BPIFB1: variants seen among roughly 807,000 people sequenced by gnomAD.
BPIFB1 encodes BPI fold-containing family B member 1.
A neutral mutation model predicts 55.1 loss-of-function variants in BPIFB1; 34 were observed. The ratio of observed to expected loss-of-function variants is 0.62; its 90% CI spans 0.47 to 0.82. BPIFB1 has a LOEUF of 0.82. BPIFB1 is among the 40% of genes least tolerant of loss of function. The pLI is 0.00. For missense variants in BPIFB1, 532 were observed against 593.1 expected (o/e 0.90, Z 1.07); for synonymous variants, 236 against 245.3 (o/e 0.96, Z 0.35).
In BPIFB1 at chr20:33,289,933, G is replaced by A. The variant is rs377293496; in HGVS notation, c.306G>A (p.Ser102=). The part of the protein sequence containing the change: ...ANILQLQVKP[S]ANDQELLVKI... ...TCCTCCAGCTGCAGGTGAAGCCCTC[G>A]GCCAATGACCAGGAGCTGCTAGTCA... Residue 102 remains serine, a synonymous_variant, in exon 4 of 16, where the codon TCG becomes TCA. Transcript: ENST00000253354. 39 of 1,614,158 alleles carry A rather than the reference G, an allele frequency of 2.4e-5. No homozygotes were observed. The highest frequency in any genetic ancestry group is 6.7e-5 in the East Asian group (3 of 44,880).
chr20:33,298,765 C>A (rs1351304676), intron 7 of BPIFB1: 1 of 158,910 alleles, frequency 6.3e-6, no homozygotes, highest in Non-Finnish European at 1.4e-5. Flanking sequence ...GCAGGAATTA[C>A]TATTCTACCG....
At chr20:33,306,127 C>G in intron 14 of BPIFB1, 62 bp downstream of exon 14, 1 of 1,574,524 alleles carries the variant, frequency 6.4e-7, no homozygotes, top group Non-Finnish European at 8.7e-7. Context: ...TTCCCCTGCC[C>G]TCATCTCCAT....
rs6088166 is a variant in BPIFB1, at chr20:33,303,074, C to T, written c.1140C>T (p.Ile380=). 107 of 1,613,420 alleles carry T rather than the reference C, an allele frequency of 6.6e-5. 1 individual carries two copies. The highest frequency in any genetic ancestry group is 8.6e-5 in the Non-Finnish European group (101 of 1,180,000). ...EALRPLFTLG[I]EASSEAQFYT... ...TCCGCCCTTTGTTCACCCTGGGCAT[C>T]GTGAGTTCAGTTGTCTGCGATATTG... Residue 380 remains isoleucine, a splice_region_variant and synonymous_variant, in exon 11 of 16, where the codon ATC becomes ATT. Coordinates refer to ENST00000253354, the MANE Select transcript of BPIFB1 (RefSeq NM_033197.3).
chr20:33,290,966 C>T lies in BPIFB1; in HGVS notation c.375C>T (p.Val125=), dbSNP rs376316842. 5.6e-6 allele frequency: 9 copies of T among 1,613,718 alleles called. No homozygotes were observed. Among genetic ancestry groups the T allele is most frequent in the African/African-American group, 1.3e-5 (1 of 74,932 alleles). The change falls in exon 5 of 16, where the codon GTC becomes GTT. Residue 125 remains valine, a synonymous_variant. Coordinates refer to ENST00000253354, the MANE Select transcript of BPIFB1 (RefSeq NM_033197.3). ...DMVAGFNTPL[V]KTIVEFHMTT... ...TGCCTCCACCCGCTAGGCCCCTGGT[C>T]AAGACCATCGTGGAGTTCCACATGA...
chr20:33,290,126 G>A (rs1980416021), intron 4 of BPIFB1, 134 bp downstream of exon 4: 1 of 690,924 alleles, frequency 1.4e-6, no homozygotes, highest in South Asian at 1.7e-5. Context: ...GAGGCCCTGT[G>A]GCAGCAGTGT....
At chr20:33,300,886 C>T (rs1980824606) in intron 8 of BPIFB1, among the ~76,000 whole-genome samples, 1 of 152,184 alleles carries the variant, frequency 6.6e-6, no homozygotes, top group Non-Finnish European at 1.5e-5. Context: ...ACACGCCTGG[C>T]CCCTGGACTA....
intron 1 of BPIFB1, among the ~76,000 whole-genome samples, chr20:33,284,596 C>T (rs910105096): frequency 3.9e-5 from 6 of 152,140 alleles, no homozygotes; most frequent in Non-Finnish European, 8.8e-5. Flanking sequence ...ACATGTCATC[C>T]GGATGCCACA....
intron 7 of BPIFB1, chr20:33,299,144 C>T (rs1010179649): frequency 2.2e-5 from 10 of 456,594 alleles, no homozygotes; most frequent in Middle Eastern, 6.5e-4. Flanking sequence ...GAGAAGAGAC[C>T]AGCCAAGGTC....
At chr20:33,286,792 C>T (rs896068166) in intron 2 of BPIFB1, among the ~76,000 whole-genome samples, 1 of 152,224 alleles carries the variant, frequency 6.6e-6, no homozygotes, top group Admixed American at 6.5e-5. Flanking sequence ...GTGTCCTGGG[C>T]ACTTTAGGAT....
intron 8 of BPIFB1, 139 bp downstream of exon 8, chr20:33,300,123 C>T (rs2146533119): frequency 1.4e-6 from 1 of 737,038 alleles, no homozygotes; most frequent in Non-Finnish European, 2.3e-6. Context: ...AGAAAAATCA[C>T]TGCAGGCTGA....
chr20:33,301,925 T>C (rs1156270323), intron 9 of BPIFB1, among the ~76,000 whole-genome samples: 1 of 152,018 alleles, frequency 6.6e-6, no homozygotes, highest in Admixed American at 6.6e-5. Context: ...ACGGGGAAAT[T>C]GAGGTCCAGA....
At chr20:33,305,104 C>A (rs1191823467) in intron 13 of BPIFB1, among the ~76,000 whole-genome samples, 1 of 152,126 alleles carries the variant, frequency 6.6e-6, no homozygotes, top group Non-Finnish European at 1.5e-5. Flanking sequence ...CACGCACACA[C>A]AAATACACTC....
rs1568647917 is a variant in BPIFB1, at chr20:33,290,942, G to GCCT, written c.366-12_366-10dup. 1 of 1,612,564 alleles carries GCCT rather than the reference G, an allele frequency of 6.2e-7. No homozygotes were observed. Among genetic ancestry groups the GCCT allele is most frequent in the Non-Finnish European group, 8.5e-7 (1 of 1,179,614 alleles). On this transcript the variant is annotated splice_polypyrimidine_tract_variant and intron_variant, in intron 4 of 15. Transcript: ENST00000253354. ...TTGCCTGGTGCTCACATGGTCAGGT[G>GCCT]CCTCCACCCGCTAGGCCCCTGGTCA... is the stretch of plus-strand genomic sequence containing the variant.
intron 15 of BPIFB1, 159 bp downstream of exon 15, chr20:33,307,146 AG>A (rs1341292243): frequency 1.6e-5 from 10 of 640,868 alleles, no homozygotes; most frequent in Non-Finnish European, 2.8e-5. Context: ...GCAAGTGAGA[AG>A]GTTGGCTGTG....
intron 2 of BPIFB1, among the ~76,000 whole-genome samples, chr20:33,288,212 A>C (rs1316262314): frequency 6.6e-6 from 1 of 152,218 alleles, no homozygotes; most frequent in East Asian, 1.9e-4. Context: ...GCTCACAAAA[A>C]GCCAGCTGGG....
At chr20:33,289,004 T>G in intron 3 of BPIFB1, 122 bp downstream of exon 3, 1 of 1,178,806 alleles carries the variant, frequency 8.5e-7, no homozygotes, top group Non-Finnish European at 1.2e-6. Flanking sequence ...AAAGAGTGGA[T>G]CAAACAAAGC....
At chr20:33,290,718 T>G (rs1411303774) in intron 4 of BPIFB1, among the ~76,000 whole-genome samples, 1 of 151,982 alleles carries the variant, frequency 6.6e-6, no homozygotes, top group Admixed American at 6.6e-5. Context: ...CCGTGAGACA[T>G]CGGAGTAGGG....
chr20:33,283,328 G>A (rs953017153), intron 1 of BPIFB1, 74 bp downstream of exon 1: 1 of 152,650 alleles, frequency 6.6e-6, no homozygotes, highest in African/African-American at 2.4e-5. Flanking sequence ...TTGGGGTCAG[G>A]TCAGGAGCAC....
chr20:33,286,088 G>C lies in BPIFB1; in HGVS notation c.15G>C (p.Trp5Cys), dbSNP rs371071403. ...CACCTGGGAAGATGGCCGGCCCGTG[G>C]ACCTTCACCCTTCTCTGTGGTTTGC... MAGP[W>C]TFTLLCGLLA... Residue 5 changes from tryptophan (W) to cysteine (C), a missense_variant, in exon 2 of 16, where the codon TGG becomes TGC. Transcript: ENST00000253354. 2 of 1,614,156 alleles carry C rather than the reference G, an allele frequency of 1.2e-6. No homozygotes were observed. Among genetic ancestry groups the C allele is most frequent in the South Asian group, 1.1e-5 (1 of 91,062 alleles).
Sources: gnomAD v4.1 joint callset for allele counts (sites outside exome capture counted in the v4.1 genomes callset) on GRCh38, gnomAD v4.1.1 for gene constraint, MANE v1.5 for transcripts, NCBI Gene and HGNC (gene_info 2026-07-23, HGNC 2026-07-21) for gene names.